The following SV2C variants were observed in gnomAD, a reference collection of about 807,000 sequenced individuals.
SV2C encodes solute carrier family 22 member B3.
SV2C carries 49 observed loss-of-function variants against 79.7 expected under a neutral mutation model. That is an observed-to-expected ratio of 0.61 (90% CI 0.49 to 0.78). The LOEUF (loss-of-function observed/expected upper bound fraction) is 0.78, where lower values mean the gene tolerates loss of function less well. Among genes scored for constraint, SV2C ranks in the 30% least tolerant of loss-of-function variants. The pLI is 0.00. For synonymous variants in SV2C, 334 were observed against 333.2 expected, an observed-to-expected ratio of 1.00 and a Z score of -0.03; for missense variants, 833 against 912.9, an observed-to-expected ratio of 0.91 and a Z score of 1.13.
At chr5:75,928,479 A>T in the SV2C span, among the ~76,000 whole-genome samples, 1 of 152,132 alleles carries the variant, frequency 6.6e-6, no homozygotes, top group East Asian at 1.9e-4. Flanking sequence ...TAATTATTCT[A>T]AACTTGTGGT....
chr5:75,981,918 A>T, the SV2C span, among the ~76,000 whole-genome samples: 5 of 152,134 alleles, frequency 3.3e-5, no homozygotes, highest in African/African-American at 1.2e-4. Flanking sequence ...AACTATCAAG[A>T]GAGGAAACAG....
chr5:76,268,462 C>T (rs546509340), intron 4 of SV2C, among the ~76,000 whole-genome samples: 3 of 152,240 alleles, frequency 2.0e-5, no homozygotes, highest in South Asian at 2.1e-4. Flanking sequence ...AGTGTGGGCC[C>T]GTCCCGCTGC....
At chr5:76,061,816 C>T in the SV2C span, among the ~76,000 whole-genome samples, 1 of 152,056 alleles carries the variant, frequency 6.6e-6, no homozygotes, top group Middle Eastern at 3.2e-3. Flanking sequence ...TTGAAACTTT[C>T]TTTCTAAAAT....
chr5:76,107,885 T>C (rs75441411), intron 1 of SV2C, among the ~76,000 whole-genome samples: 1 of 152,170 alleles, frequency 6.6e-6, no homozygotes, highest in Non-Finnish European at 1.5e-5. Context: ...ATTAACAGAA[T>C]TTATTTTCAT....
At position 76,349,783 on chromosome 5, in the gene SV2C, C is replaced by A. The variant is rs377433230; in HGVS notation, c.2001-3347C>A. 1.8e-4 allele frequency among the ~76,000 whole-genome samples: 27 copies of A among 151,920 alleles called. No individual in the cohort carries two copies. In the East Asian group the frequency reaches 2.7e-3, roughly 15 times the overall value. The stretch of plus-strand genomic sequence containing the variant: ...CTCCTGGCCTCAAGTGAACCTCCCA[C>A]CTTGGCCTCCCAAAGTGCTTGGGAT... On this transcript the variant is annotated intron_variant, in intron 12 of 12. Transcript: ENST00000322285.
At chr5:75,954,109 T>C in the SV2C span, among the ~76,000 whole-genome samples, 1 of 151,964 alleles carries the variant, frequency 6.6e-6, no homozygotes, top group Admixed American at 6.6e-5. Flanking sequence ...AACATAATAA[T>C]AACTAAGATT....
At chr5:76,031,572 G>A in the SV2C span, among the ~76,000 whole-genome samples, 1 of 152,138 alleles carries the variant, frequency 6.6e-6, no homozygotes, top group Non-Finnish European at 1.5e-5. Flanking sequence ...ACTTCCTGAT[G>A]GAGGTGCTTA....
At chr5:76,204,630 C>A (rs1744554723) in intron 3 of SV2C, among the ~76,000 whole-genome samples, 2 of 152,172 alleles carry the variant, frequency 1.3e-5, no homozygotes, top group South Asian at 4.1e-4. Flanking sequence ...TCAGTAGAAT[C>A]CCTTCTCAAG....
chr5:76,099,756 A>G (rs112433390), intron 1 of SV2C, among the ~76,000 whole-genome samples: 87 of 152,342 alleles, frequency 5.7e-4, no homozygotes, highest in African/African-American at 1.9e-3. Flanking sequence ...AACAGTAAGA[A>G]GGATTCATAT....
upstream of SV2C, among the ~76,000 whole-genome samples, chr5:76,082,856 T>C (rs1252985843): frequency 6.6e-6 from 1 of 152,116 alleles, no homozygotes; most frequent in African/African-American, 2.4e-5. Flanking sequence ...TCTGCCTGGT[T>C]GCTCCCTGGA....
chr5:76,025,172 CG>C, the SV2C span, among the ~76,000 whole-genome samples: 4 of 127,248 alleles, frequency 3.1e-5, no homozygotes, highest in African/African-American at 7.1e-5. Flanking sequence ...GCCTTGAGCA[CG>C]TTTTTTTTTT....
chr5:76,212,457 C>G (rs1378871030), intron 4 of SV2C, among the ~76,000 whole-genome samples: 1 of 151,910 alleles, frequency 6.6e-6, no homozygotes. Flanking sequence ...TTTTCTCTCT[C>G]TCTCTCTTTT....
chr5:76,141,291 G>A (rs1749242683), intron 2 of SV2C, among the ~76,000 whole-genome samples: 2 of 152,086 alleles, frequency 1.3e-5, no homozygotes, highest in East Asian at 1.9e-4. Flanking sequence ...GGTCACTGAG[G>A]GTTTTCCATA....
chr5:76,058,079 G>C, the SV2C span, among the ~76,000 whole-genome samples: 1 of 151,986 alleles, frequency 6.6e-6, no homozygotes, highest in Non-Finnish European at 1.5e-5. Context: ...TCTTTCATTT[G>C]CATTTATGTA....
chr5:75,871,194 C>T, the SV2C span, among the ~76,000 whole-genome samples: 3 of 152,134 alleles, frequency 2.0e-5, no homozygotes, highest in African/African-American at 7.2e-5. Flanking sequence ...AATTCAATGC[C>T]TATTTCTGGT....
chr5:76,247,845 A>G (rs1579985051), intron 4 of SV2C, among the ~76,000 whole-genome samples: 1 of 152,246 alleles, frequency 6.6e-6, no homozygotes, highest in South Asian at 2.1e-4. Context: ...ATTTGACAAT[A>G]TAAGATTACA....
the SV2C span, among the ~76,000 whole-genome samples, chr5:75,919,470 A>G: frequency 6.6e-6 from 1 of 152,258 alleles, no homozygotes; most frequent in African/African-American, 2.4e-5. Context: ...CCAGGAAGAT[A>G]AAAATTTCAA....
At chr5:76,143,696 T>C (rs1749333241) in intron 2 of SV2C, among the ~76,000 whole-genome samples, 1 of 152,230 alleles carries the variant, frequency 6.6e-6, no homozygotes, top group South Asian at 2.1e-4. Flanking sequence ...AGAAGAGTTG[T>C]CTCTTGTGCT....
the SV2C span, among the ~76,000 whole-genome samples, chr5:76,040,838 T>C: frequency 2.6e-5 from 4 of 152,224 alleles, no homozygotes; most frequent in Non-Finnish European, 4.4e-5. Context: ...CTTGACATGT[T>C]TTCAAATCAA....
Sources: allele counts gnomAD v4.1 joint callset (sites outside exome capture counted in the v4.1 genomes callset), GRCh38; gene constraint gnomAD v4.1.1; transcripts MANE v1.5; gene names NCBI Gene and HGNC (gene_info 2026-07-23, HGNC 2026-07-21).